The following EFCAB6 variants were observed in gnomAD, a reference collection of about 807,000 sequenced individuals.
EFCAB6 encodes EF-hand calcium-binding domain-containing protein 6.
In EFCAB6, 156 loss-of-function variants were observed where a neutral mutation model predicts 169.8. The ratio of observed to expected loss-of-function variants is 0.92; its 90% CI spans 0.81 to 1.05. EFCAB6 has a LOEUF of 1.05. EFCAB6 is among the 50% of genes least tolerant of loss of function. The probability of loss-of-function intolerance (pLI) is 0.00; values close to 1 mark genes in which losing one functional copy is unlikely to be tolerated. For missense variants in EFCAB6, 1,800 were observed against 1,829.1 expected, an observed-to-expected ratio of 0.98 and a Z score of 0.29; for synonymous variants, 698 against 676.4, an observed-to-expected ratio of 1.03 and a Z score of -0.50.
rs765671189 is a variant in EFCAB6 at position 43,608,490 on chromosome 22, A to C, written c.2673T>G (p.Leu891=). The C allele has an allele frequency of 6.2e-7, 1 of 1,614,082 alleles. No homozygotes were observed. The highest frequency in any genetic ancestry group is 8.5e-7 in the Non-Finnish European group (1 of 1,179,998). Residue 891 remains leucine (L), a synonymous_variant, in exon 22 of 32, where the codon CTT becomes CTG. Coordinates refer to ENST00000262726, the MANE Select transcript of EFCAB6 (RefSeq NM_022785.4). Reference sequence around the variant, plus strand: ...TCTCACGTGCCACTTACCTTGCCCAAAGCTTTTCAAACTCTCTTGGTGTGA... The same window carrying C: ...TCTCACGTGCCACTTACCTTGCCCACAGCTTTTCAAACTCTCTTGGTGTGA... ...IPLTPREFEK[L]WARYDTEGKG...
At chr22:43,715,900 C>T (rs1432783642) in intron 9 of EFCAB6, among the ~76,000 whole-genome samples, 8 of 152,082 alleles carry the variant, frequency 5.3e-5, no homozygotes, top group Admixed American at 5.2e-4. Flanking sequence ...CATTGACATC[C>T]GTCTATTGAA....
At chr22:43,698,895 A>T (rs573824316) in intron 10 of EFCAB6, among the ~76,000 whole-genome samples, 1 of 152,304 alleles carries the variant, frequency 6.6e-6, no homozygotes, top group South Asian at 2.1e-4. Context: ...GCTCAATTGT[A>T]TGTGGTTTCT....
intron 10 of EFCAB6, among the ~76,000 whole-genome samples, chr22:43,705,095 A>G (rs1011892141): frequency 6.6e-6 from 1 of 152,172 alleles, no homozygotes; most frequent in Non-Finnish European, 1.5e-5. Flanking sequence ...ATATCGGACA[A>G]AATAGATTTT....
intron 6 of EFCAB6, among the ~76,000 whole-genome samples, chr22:43,739,710 T>C (rs1464275098): frequency 2.0e-5 from 3 of 152,152 alleles, no homozygotes; most frequent in Non-Finnish European, 2.9e-5. Context: ...ACATCCCATA[T>C]GCAGTATATC....
chr22:43,573,327 A>G (rs1025996430), intron 26 of EFCAB6, among the ~76,000 whole-genome samples: 4 of 152,180 alleles, frequency 2.6e-5, no homozygotes, highest in African/African-American at 9.7e-5. Flanking sequence ...ACACTTTGAT[A>G]CAAATGAAAA....
intron 20 of EFCAB6, among the ~76,000 whole-genome samples, chr22:43,618,540 T>C (rs2053900761): frequency 6.6e-6 from 1 of 152,050 alleles, no homozygotes; most frequent in Non-Finnish European, 1.5e-5. Flanking sequence ...GAGGGAGAAA[T>C]CAAAATTCGA....
In EFCAB6 at chr22:43,735,771, T is replaced by C. The variant is rs1246785522; in HGVS notation, c.644+86A>G. On this transcript the variant is annotated intron_variant, in intron 7 of 31. Transcript: ENST00000262726. ...GTGGCAGGGGGAGGTGAGAGATGGA[T>C]GGAGCCAATGAACCCAACAGGTCTC... 5 of 1,495,108 alleles carry C rather than the reference T, an allele frequency of 3.3e-6. No homozygotes were observed. In the East Asian group the frequency reaches 9.4e-5, roughly 28 times the overall value. The allele number at this position is 1,495,108 out of a possible 1,614,324, so 92.6% of individuals were successfully genotyped here.
intron 13 of EFCAB6, among the ~76,000 whole-genome samples, chr22:43,677,376 G>A (rs1241200188): frequency 6.6e-6 from 1 of 152,154 alleles, no homozygotes; most frequent in Non-Finnish European, 1.5e-5. Context: ...GGCCAGGCGC[G>A]GTGGCTCACG....
intron 6 of EFCAB6, among the ~76,000 whole-genome samples, chr22:43,741,146 T>C (rs2060355239): frequency 6.6e-6 from 1 of 151,848 alleles, no homozygotes; most frequent in African/African-American, 2.4e-5. Context: ...GAAGAAGCAA[T>C]AAAATGGCTA....
intron 20 of EFCAB6, among the ~76,000 whole-genome samples, chr22:43,623,781 C>T (rs137721): frequency 0.67 from 96,671 of 144,696 alleles, 32,849 homozygotes; most frequent in East Asian, 0.97. Context: ...TTGTGGTGGG[C>T]GCCTGTAGTC....
chr22:43,540,385 AG>A (rs2047635728), intron 27 of EFCAB6, 28 bp from the exon 28 acceptor site: 1 of 1,612,224 alleles, frequency 6.2e-7, no homozygotes. Flanking sequence ...GTCATTTCCC[AG>A]GTGTCAGTGC....
At chr22:43,672,339 C>A (rs761358585) in intron 13 of EFCAB6, 34 bp from the exon 14 acceptor site, 6 of 1,609,030 alleles carry the variant, frequency 3.7e-6, no homozygotes, top group Non-Finnish European at 5.1e-6. Context: ...TAAATAAATA[C>A]CACTCATGAA....
At chr22:43,698,574 T>A (rs1194013679) in intron 10 of EFCAB6, among the ~76,000 whole-genome samples, 1 of 152,138 alleles carries the variant, frequency 6.6e-6, no homozygotes, top group Non-Finnish European at 1.5e-5. Flanking sequence ...CCAGCATAGG[T>A]GACATCATAG....
At chr22:43,784,510 T>C (rs1381902224) in intron 2 of EFCAB6, among the ~76,000 whole-genome samples, 1 of 98,640 alleles carries the variant, frequency 1.0e-5, no homozygotes, top group Non-Finnish European at 2.2e-5. Context: ...AAAATATATA[T>C]ATGTGTGTGT....
chr22:43,755,038 T>C (rs190953997), intron 6 of EFCAB6, among the ~76,000 whole-genome samples: 67 of 152,316 alleles, frequency 4.4e-4, no homozygotes, highest in Middle Eastern at 3.4e-3. Context: ...GACAAACATT[T>C]TGTGGATCTC....
intron 10 of EFCAB6, among the ~76,000 whole-genome samples, chr22:43,693,364 T>C (rs2058472721): frequency 6.6e-6 from 1 of 151,640 alleles, no homozygotes; most frequent in African/African-American, 2.4e-5. Flanking sequence ...CCAGAACACA[T>C]TACTCCAGTC....
intron 17 of EFCAB6, among the ~76,000 whole-genome samples, chr22:43,644,287 T>C (rs565415794): frequency 6.6e-6 from 1 of 152,086 alleles, no homozygotes; most frequent in South Asian, 2.1e-4. Flanking sequence ...CACATATTAG[T>C]GGTCAGGGGA....
intron 10 of EFCAB6, among the ~76,000 whole-genome samples, chr22:43,689,541 A>G (rs2058330691): frequency 6.6e-6 from 1 of 152,112 alleles, no homozygotes. Flanking sequence ...TGAAATCCAA[A>G]ACCCATCAAC....
At chr22:43,756,994 A>T (rs12628910) in intron 5 of EFCAB6, among the ~76,000 whole-genome samples, 12,106 of 152,178 alleles carry the variant, frequency 0.08, 652 homozygotes, top group South Asian at 0.2. Flanking sequence ...GTTCAGATGG[A>T]GGCAGATGCC....
Sources: gnomAD v4.1 joint callset for allele counts (sites outside exome capture counted in the v4.1 genomes callset) on GRCh38, gnomAD v4.1.1 for gene constraint, MANE v1.5 for transcripts, NCBI Gene and HGNC (gene_info 2026-07-23, HGNC 2026-07-21) for gene names.